The following CELF2 variants were observed in gnomAD, a reference collection of about 807,000 sequenced individuals.
The protein encoded by CELF2 is CUGBP Elav-like family member 2.
In CELF2, 8 loss-of-function variants were observed where a neutral mutation model predicts 62.6. That is an observed-to-expected ratio of 0.13 (90% confidence interval 0.07 to 0.23). The LOEUF is 0.23. CELF2 is among the 10% of genes least tolerant of loss of function. The probability of loss-of-function intolerance (pLI) is 1.00; values close to 1 mark genes in which losing one functional copy is unlikely to be tolerated. For synonymous variants in CELF2, 258 were observed against 250.0 expected (o/e 1.03, Z -0.30); for missense variants, 333 against 671.0 (o/e 0.50, Z 5.56).
the CELF2 span, among the ~76,000 whole-genome samples, chr10:10,588,313 C>A: frequency 1.3e-5 from 2 of 152,166 alleles, no homozygotes; most frequent in South Asian, 4.1e-4. Flanking sequence ...CTAACAGGAA[C>A]AAGCAGGTGA....
At chr10:10,825,571 C>T (rs998021516) in intron 1 of CELF2, among the ~76,000 whole-genome samples, 7 of 152,284 alleles carry the variant, frequency 4.6e-5, no homozygotes, top group Admixed American at 1.3e-4. Flanking sequence ...CATAAACTTT[C>T]ATAATGGTAA....
chr10:10,516,204 G>C, the CELF2 span, among the ~76,000 whole-genome samples: 1 of 152,286 alleles, frequency 6.6e-6, no homozygotes, highest in Middle Eastern at 3.4e-3. Flanking sequence ...TAAAATACCA[G>C]ACTAGGGGTA....
the CELF2 span, among the ~76,000 whole-genome samples, chr10:10,651,212 A>G: frequency 8.1e-6 from 1 of 123,362 alleles, no homozygotes; most frequent in African/African-American, 3.0e-5. Flanking sequence ...TCTGGCTCGG[A>G]GGGTCCTATG....
At position 10,873,572 on chromosome 10, in the gene CELF2, G is replaced by A. The variant is rs115526451; in HGVS notation, c.54-46392G>A. Among the ~76,000 whole-genome samples the A allele has an allele frequency of 8.6e-3, 1,312 of 152,274 alleles. 18 individuals are homozygous for A. Among genetic ancestry groups the A allele is most frequent in the African/African-American group, 0.029 (1,194 of 41,576 alleles). ...TAACAGGCACATCAGTGCCCCAAGC[G>A]TATTGTTACCTCCTACCAAGGCTCT... On this transcript the variant is annotated intron_variant, in intron 1 of 13. Transcript: ENST00000636488.
chr10:11,203,987 A>C (rs2059856154), intron 2 of CELF2, among the ~76,000 whole-genome samples: 1 of 152,206 alleles, frequency 6.6e-6, no homozygotes, highest in Admixed American at 6.5e-5. Context: ...GGCTGAGTGG[A>C]GAGACTGGGG....
chr10:11,188,396 C>T (rs945102864), intron 2 of CELF2, among the ~76,000 whole-genome samples: 3 of 152,172 alleles, frequency 2.0e-5, no homozygotes, highest in Non-Finnish European at 2.9e-5. Flanking sequence ...TGAGTCACCA[C>T]GCCCAGACTG....
intron 3 of CELF2, among the ~76,000 whole-genome samples, chr10:11,240,140 A>C (rs1048219722): frequency 6.6e-6 from 1 of 152,258 alleles, no homozygotes; most frequent in African/African-American, 2.4e-5. Context: ...GGTTAGGTAA[A>C]TGCCATATAT....
the CELF2 span, among the ~76,000 whole-genome samples, chr10:10,548,697 G>C: frequency 6.6e-6 from 1 of 151,904 alleles, no homozygotes; most frequent in Non-Finnish European, 1.5e-5. Context: ...TCTCTTTTGA[G>C]CTTTAAGTTA....
In CELF2 at chr10:10,955,057, G is replaced by A. The variant is rs557195877; in HGVS notation, c.89+35058G>A. On this transcript the variant is annotated intron_variant, in intron 2 of 13. Transcript: ENST00000636488. ...GAGCAATCTGTGTAAGGTTAAATGT[G>A]TATTTTTTAAAGTATAATTTATTGA... Among the ~76,000 whole-genome samples the A allele has an allele frequency of 5.9e-5, 9 of 152,280 alleles. No homozygotes were observed. In the South Asian group the frequency reaches 1.9e-3, roughly 32 times the overall value.
chr10:10,929,770 A>G (rs1564836269), intron 2 of CELF2: 1 of 152,218 alleles, frequency 6.6e-6, no homozygotes, highest in Non-Finnish European at 1.5e-5. Context: ...TTAAAGTTGC[A>G]TGTTAGTTGA....
chr10:10,585,338 A>G, the CELF2 span, among the ~76,000 whole-genome samples: 1 of 152,274 alleles, frequency 6.6e-6, no homozygotes, highest in Non-Finnish European at 1.5e-5. Context: ...GCCCACAGCC[A>G]TTCATTTGTC....
intron 2 of CELF2, among the ~76,000 whole-genome samples, chr10:10,968,654 C>A (rs1314701785): frequency 6.6e-6 from 1 of 151,768 alleles, no homozygotes; most frequent in Admixed American, 6.6e-5. Flanking sequence ...GCACTTCACT[C>A]TGTGTTCTTA....
At chr10:10,800,708 T>G (rs887107794) in intron 1 of CELF2, among the ~76,000 whole-genome samples, 1 of 152,204 alleles carries the variant, frequency 6.6e-6, no homozygotes, top group Non-Finnish European at 1.5e-5. Context: ...ATTACCAGGA[T>G]TTCTTGATGA....
intron 1 of CELF2, among the ~76,000 whole-genome samples, chr10:11,056,845 T>A (rs768975540): frequency 6.6e-6 from 1 of 152,206 alleles, no homozygotes; most frequent in Non-Finnish European, 1.5e-5. Context: ...GCAATAACTC[T>A]GAAAACTTAT....
intron 1 of CELF2, among the ~76,000 whole-genome samples, chr10:10,871,427 C>T (rs772072311): frequency 4.6e-5 from 7 of 152,248 alleles, no homozygotes; most frequent in South Asian, 2.1e-4. Flanking sequence ...TGTGACTTGA[C>T]GTCTGGAGTT....
At chr10:10,822,138 G>A (rs1048124616) in intron 1 of CELF2, among the ~76,000 whole-genome samples, 3 of 152,176 alleles carry the variant, frequency 2.0e-5, no homozygotes, top group African/African-American at 7.2e-5. Flanking sequence ...GCTTGTTCTA[G>A]AGCCTGTGTT....
chr10:10,875,739 A>G (rs1374621433), intron 1 of CELF2, among the ~76,000 whole-genome samples: 2 of 152,148 alleles, frequency 1.3e-5, no homozygotes, highest in Non-Finnish European at 2.9e-5. Context: ...AAAGTACAGT[A>G]TGTTATTTAA....
chr10:10,774,554 C>A, the CELF2 span, among the ~76,000 whole-genome samples: 1 of 152,188 alleles, frequency 6.6e-6, no homozygotes, highest in Admixed American at 6.5e-5. Context: ...CCCCCGCTCT[C>A]GCTCCTGCCA....
At chr10:10,503,953 C>T in the CELF2 span, among the ~76,000 whole-genome samples, 5 of 151,974 alleles carry the variant, frequency 3.3e-5, no homozygotes, top group Admixed American at 2.6e-4. Flanking sequence ...AAGCTTATCA[C>T]GATCTGCTGA....
Sources: allele counts gnomAD v4.1 joint callset (sites outside exome capture counted in the v4.1 genomes callset), GRCh38; gene constraint gnomAD v4.1.1; transcripts MANE v1.5; gene names NCBI Gene and HGNC (gene_info 2026-07-23, HGNC 2026-07-21).